Variants in ACO1 observed in about 807,000 individuals in gnomAD.
ACO1 encodes the protein cytoplasmic aconitate hydratase.
Under a neutral mutation model 105.1 loss-of-function variants are expected in ACO1, and 78 were observed. The observed-to-expected ratio is 0.74, with a 90% CI of 0.62 to 0.90. The LOEUF is 0.90. ACO1 is among the 40% of genes least tolerant of loss of function. ACO1 has a pLI of 0.00. For missense variants in ACO1, 965 were observed against 1,111.1 expected (o/e 0.87, Z 1.87); for synonymous variants, 364 against 397.4 (o/e 0.92, Z 1.00).
chr9:32,435,142 G>C (rs981360832), intron 17 of ACO1, among the ~76,000 whole-genome samples: 2 of 152,124 alleles, frequency 1.3e-5, no homozygotes, highest in African/African-American at 2.4e-5. Context: ...GTAGTGTGCT[G>C]ATATTCATAG....
chr9:32,447,723 G>T (rs552233796), intron 19 of ACO1, among the ~76,000 whole-genome samples: 1 of 152,184 alleles, frequency 6.6e-6, no homozygotes, highest in East Asian at 1.9e-4. Context: ...TTTGGTCTTT[G>T]ACATTGGTGA....
intron 2 of ACO1, among the ~76,000 whole-genome samples, chr9:32,406,384 G>T (rs1368598612): frequency 6.6e-6 from 1 of 152,200 alleles, no homozygotes; most frequent in African/African-American, 2.4e-5. Flanking sequence ...CACTTCGGGA[G>T]GCCAAAGCAG....
At chr9:32,402,763 G>T (rs7028085) in intron 1 of ACO1, among the ~76,000 whole-genome samples, 1 of 152,050 alleles carries the variant, frequency 6.6e-6, no homozygotes, top group Non-Finnish European at 1.5e-5. Context: ...TTTTGGCTTT[G>T]TCTTGGAGTT....
Position 32,384,721 on chromosome 9 carries a change from G to A in ACO1, c.-37G>A, listed in dbSNP as rs1324142209. 4 of 411,392 alleles carry A rather than the reference G, an allele frequency of 9.7e-6. No homozygotes were observed. The highest frequency in any genetic ancestry group is 3.3e-5 in the South Asian group (2 of 59,974). The allele number at this position is 411,392 out of a possible 1,614,324, so 25.5% of individuals were successfully genotyped here. A position where few individuals can be genotyped will look rare whatever the true frequency, so the allele number is the denominator to read the frequency against. On this transcript the variant is annotated 5_prime_UTR_variant, in exon 1 of 21. Transcript: ENST00000309951. The stretch of plus-strand genomic sequence containing the variant: ...CAGGTTCGCCGGTCGCGGGAGCCCC[G>A]CCGTGCAGTCGGAGGTGAGTACCGA...
intron 18 of ACO1, among the ~76,000 whole-genome samples, chr9:32,436,950 GA>G (rs1822375196): frequency 6.6e-6 from 1 of 152,106 alleles, no homozygotes; most frequent in African/African-American, 2.4e-5. Context: ...ACTTACCTTG[GA>G]AGAACGCTCT....
In ACO1 at chr9:32,439,128, C is replaced by T. The variant is rs761088581; in HGVS notation, c.2248-1337C>T. On this transcript the variant is annotated intron_variant, in intron 18 of 20. Coordinates refer to ENST00000309951, the MANE Select transcript of ACO1 (RefSeq NM_002197.3). The surrounding 1 kb of genome is among the most constrained non-coding windows in gnomAD (Gnocchi z 4.0). Reference sequence around the variant, plus strand: ...GTCCCTCTGATCTTGGGTAACATGACGTGCTTTGCCATGAGATTGTCAACT... The same window carrying T: ...GTCCCTCTGATCTTGGGTAACATGATGTGCTTTGCCATGAGATTGTCAACT... Among the ~76,000 whole-genome samples the T allele has an allele frequency of 3.3e-5, 5 of 152,176 alleles. No homozygotes were observed. The highest frequency in any genetic ancestry group is 7.3e-5 in the Non-Finnish European group (5 of 68,036).
chr9:32,424,745 C>T, intron 10 of ACO1, 80 bp downstream of exon 10: 1 of 937,332 alleles, frequency 1.1e-6, no homozygotes, highest in Non-Finnish European at 1.7e-6. Context: ...TTTCATCCCA[C>T]TTGACATGAA....
chr9:32,429,316 C>A, intron 12 of ACO1, 103 bp from the exon 13 acceptor site: 1 of 1,010,638 alleles, frequency 9.9e-7, no homozygotes, highest in Non-Finnish European at 1.5e-6. Context: ...TCATGCACTG[C>A]AATTCCTTTT....
At chr9:32,415,607 G>A (rs1821830596) in intron 4 of ACO1, among the ~76,000 whole-genome samples, 1 of 152,158 alleles carries the variant, frequency 6.6e-6, no homozygotes, top group Admixed American at 6.5e-5. Context: ...CTATTAAGAA[G>A]GTCGAGATGA....
chr9:32,440,670 T>G (rs1563947270), intron 19 of ACO1, 83 bp downstream of exon 19: 2 of 1,516,274 alleles, frequency 1.3e-6, no homozygotes, highest in East Asian at 4.8e-5. Context: ...TGCTTTACTT[T>G]CCAAGAAGAT....
intron 19 of ACO1, among the ~76,000 whole-genome samples, chr9:32,447,823 CCTCTGCTGCAG>C (rs1822654310): frequency 6.6e-6 from 1 of 152,204 alleles, no homozygotes. Flanking sequence ...CAAGCAGACT[CCTCTGCTGCAG>C]GTCTGCTGGA....
chr9:32,442,639 T>G (rs1822507856), intron 19 of ACO1, among the ~76,000 whole-genome samples: 1 of 152,236 alleles, frequency 6.6e-6, no homozygotes, highest in Non-Finnish European at 1.5e-5. Context: ...ACTTTATCTG[T>G]GGTATGTTCT....
intron 10 of ACO1, 53 bp from the exon 11 acceptor site, chr9:32,425,785 G>A: frequency 7.7e-7 from 1 of 1,297,408 alleles, no homozygotes; most frequent in Middle Eastern, 2.3e-4. Context: ...CCAGATACAT[G>A]TATATCTTAT....
At position 32,434,711 on chromosome 9, in the gene ACO1, A is replaced by C. The variant is rs1822317384; in HGVS notation, c.2099+10A>C. ...ACTTAACTAACAGAGGGTAAGTATG[A>C]ATGAGGCAGGAAGGACTAAAGGCAA... On this transcript the variant is annotated intron_variant, in intron 17 of 20. Coordinates refer to ENST00000309951, the MANE Select transcript of ACO1 (RefSeq NM_002197.3). 1.9e-6 allele frequency: 3 copies of C among 1,613,858 alleles called. No homozygotes were observed. The highest frequency in any genetic ancestry group is 2.5e-6 in the Non-Finnish European group (3 of 1,179,780).
At chr9:32,385,742 C>G (rs1349731517) in intron 1 of ACO1, among the ~76,000 whole-genome samples, 2 of 152,176 alleles carry the variant, frequency 1.3e-5, no homozygotes, top group Non-Finnish European at 2.9e-5. Flanking sequence ...CCACTGTATA[C>G]TCCTGAAAAT....
At chr9:32,415,542 CAT>C (rs1423708775) in intron 4 of ACO1, among the ~76,000 whole-genome samples, 13 of 152,258 alleles carry the variant, frequency 8.5e-5, no homozygotes, top group Middle Eastern at 6.8e-3. Context: ...ACACTGGAAA[CAT>C]AGATCTGGAC....
At chr9:32,441,603 CTA>C (rs34256711) in intron 19 of ACO1, among the ~76,000 whole-genome samples, 40,593 of 150,978 alleles carry the variant, frequency 0.27, 5,514 homozygotes, top group East Asian at 0.34. Context: ...TTTCTGGAAA[CTA>C]TTGAAAAGAA....
intron 14 of ACO1, 62 bp downstream of exon 14, chr9:32,430,636 A>C (rs1822207051): frequency 1.3e-6 from 2 of 1,515,222 alleles, no homozygotes; most frequent in Non-Finnish European, 1.8e-6. Context: ...TTACTAGAAG[A>C]AACTGCTTTC....
chr9:32,407,382 C>A lies in ACO1; in HGVS notation c.219C>A (p.Asn73Lys). 1 of 1,614,154 alleles carries A rather than the reference C, an allele frequency of 6.2e-7. No homozygotes were observed. Among genetic ancestry groups the A allele is most frequent in the Non-Finnish European group, 8.5e-7 (1 of 1,180,012 alleles). The part of the protein sequence containing the change: ...ILHWNVTQHK[N>K]IEVPFKPARV... The stretch of plus-strand genomic sequence containing the variant: ...ATTGGAATGTCACGCAGCACAAGAA[C>A]ATAGAAGTGCCATTTAAGCCTGCTC... The change falls in exon 3 of 21, where the codon AAC becomes AAA. Residue 73 changes from asparagine to lysine, a missense_variant. By Grantham distance (94) the Asn-to-Lys change is moderately conservative (BLOSUM62 0). Coordinates refer to ENST00000309951, the MANE Select transcript of ACO1 (RefSeq NM_002197.3).
Sources: allele counts gnomAD v4.1 joint callset (sites outside exome capture counted in the v4.1 genomes callset), GRCh38; gene constraint gnomAD v4.1.1; non-coding constraint Gnocchi (gnomAD v3.1); transcripts MANE v1.5; gene names NCBI Gene and HGNC (gene_info 2026-07-23, HGNC 2026-07-21).